The following ADGRV1 variants were observed in gnomAD, a reference collection of about 807,000 sequenced individuals.
ADGRV1 encodes adhesion G protein-coupled receptor V1, also known as G-protein coupled receptor 98.
In ADGRV1, 359 loss-of-function variants were observed where a neutral mutation model predicts 596.2. The observed-to-expected ratio is 0.60, with a 90% confidence interval of 0.55 to 0.66. The LOEUF is 0.66. Among genes scored for constraint, ADGRV1 ranks in the 30% least tolerant of loss-of-function variants. ADGRV1 has a pLI of 0.00. For missense variants in ADGRV1, 7,274 were observed against 7,575.6 expected, an observed-to-expected ratio of 0.96 and a Z score of 1.48; for synonymous variants, 2,681 against 2,679.2, an observed-to-expected ratio of 1.00 and a Z score of -0.02.
intron 52 of ADGRV1, among the ~76,000 whole-genome samples, chr5:90,747,517 C>T (rs867649700): frequency 3.9e-4 from 59 of 152,000 alleles, no homozygotes; most frequent in Admixed American, 7.2e-4. Context: ...TTCTAAGATT[C>T]CCCCTCCCAC....
At chr5:90,720,277 T>A in intron 44 of ADGRV1, 54 bp downstream of exon 44, 2 of 1,112,376 alleles carry the variant, frequency 1.8e-6, no homozygotes, top group Non-Finnish European at 2.5e-6. Flanking sequence ...GTAGGGAATA[T>A]TTTTTGACAT....
intron 83 of ADGRV1, among the ~76,000 whole-genome samples, chr5:90,909,926 A>G (rs1772700739): frequency 6.6e-6 from 1 of 152,264 alleles, no homozygotes; most frequent in Admixed American, 6.5e-5. Context: ...ACAAATGTTT[A>G]AATTGTGGAT....
Position 90,809,078 on chromosome 5 carries a change from C to G in ADGRV1, c.14973-1155C>G, listed in dbSNP as rs537386439. On this transcript the variant is annotated intron_variant, in intron 73 of 89. Transcript: ENST00000405460. Reference sequence around the variant, plus strand: ...TCTCCTGCCTCAGCCTCCCGAGTAGCTGGGAGTAGTTGGGACGACAGGCAC... The same window carrying G: ...TCTCCTGCCTCAGCCTCCCGAGTAGGTGGGAGTAGTTGGGACGACAGGCAC... Among the ~76,000 whole-genome samples, 648 of 151,678 alleles carry G rather than the reference C, an allele frequency of 4.3e-3. 2 individuals are homozygous for G. The highest frequency in any genetic ancestry group is 0.014 in the African/African-American group (597 of 41,404).
At chr5:90,896,348 G>C (rs1405571884) in intron 83 of ADGRV1, among the ~76,000 whole-genome samples, 2 of 123,444 alleles carry the variant, frequency 1.6e-5, no homozygotes, top group Non-Finnish European at 3.2e-5. Context: ...GCAGCTTACT[G>C]TGGCCTCAAC....
At chr5:90,587,455 A>T (rs1758904658) in intron 1 of ADGRV1, among the ~76,000 whole-genome samples, 1 of 152,164 alleles carries the variant, frequency 6.6e-6, no homozygotes, top group Non-Finnish European at 1.5e-5. Flanking sequence ...ACAAAGAAAA[A>T]AGTCATGACG....
intron 17 of ADGRV1, among the ~76,000 whole-genome samples, chr5:90,648,126 T>G (rs1249165934): frequency 6.6e-6 from 1 of 152,186 alleles, no homozygotes; most frequent in African/African-American, 2.4e-5. Flanking sequence ...TCCTGTAGCA[T>G]TTTCCTTGGA....
Position 90,637,701 on chromosome 5 carries a change from G to C in ADGRV1, c.2017-24G>C. ...CTGAACATATATTTTAGAAGAAATT[G>C]TTCTGTTCTTTTCTTTTTATAAGGT... On this transcript the variant is annotated intron_variant, in intron 10 of 89. Coordinates refer to ENST00000405460, the MANE Select transcript of ADGRV1 (RefSeq NM_032119.4). 5 of 1,491,410 alleles carry C rather than the reference G, an allele frequency of 3.4e-6. No individual in the cohort carries two copies. The South Asian group carries it at 6.3e-5, about 19-fold the overall frequency. 92.4% of individuals were successfully genotyped at this position (1,491,410 alleles called of 1,614,324 possible).
At chr5:90,769,804 C>T (rs776562168) in intron 59 of ADGRV1, among the ~76,000 whole-genome samples, 1 of 152,094 alleles carries the variant, frequency 6.6e-6, no homozygotes, top group African/African-American at 2.4e-5. Flanking sequence ...AATATGTGCT[C>T]CCTGCCTGAG....
intron 78 of ADGRV1, among the ~76,000 whole-genome samples, chr5:90,842,597 AG>A (rs2150364932): frequency 6.6e-6 from 1 of 152,214 alleles, no homozygotes; most frequent in East Asian, 1.9e-4. Context: ...ACATGCCTGT[AG>A]TCCCAGCTAT....
At chr5:90,770,594 G>T (rs778003619) in intron 59 of ADGRV1, among the ~76,000 whole-genome samples, 34 of 152,052 alleles carry the variant, frequency 2.2e-4, no homozygotes, top group Non-Finnish European at 4.9e-4. Context: ...TTTGAAGAAG[G>T]CACAACTCAT....
intron 85 of ADGRV1, among the ~76,000 whole-genome samples, chr5:91,065,836 T>A (rs1787836554): frequency 6.6e-6 from 1 of 152,182 alleles, no homozygotes. Flanking sequence ...TGAAACAGCA[T>A]CTACTTGTTT....
rs377206590 is a variant in ADGRV1, at chr5:90,840,563, T to G, written c.16612-15T>G. 2.0e-5 allele frequency: 31 copies of G among 1,565,488 alleles called. No individual in the cohort carries two copies. Among genetic ancestry groups the G allele is most frequent in the South Asian group, 9.6e-5 (8 of 83,312 alleles). The stretch of plus-strand genomic sequence containing the variant: ...GTGTCATAGATTCACTTAAATGGTG[T>G]TGTTTAATTTCTAGGAGTTGAGGAG... On this transcript the variant is annotated splice_polypyrimidine_tract_variant and intron_variant, in intron 77 of 89. Coordinates refer to ENST00000405460, the MANE Select transcript of ADGRV1 (RefSeq NM_032119.4).
At chr5:90,934,014 T>G (rs1018597316) in intron 83 of ADGRV1, among the ~76,000 whole-genome samples, 3 of 152,182 alleles carry the variant, frequency 2.0e-5, no homozygotes, top group African/African-American at 7.2e-5. Flanking sequence ...GACTGTAGCC[T>G]TTCTACTCCA....
intron 32 of ADGRV1, among the ~76,000 whole-genome samples, chr5:90,693,137 G>GTTTTTTTTTT (rs138813234): frequency 3.0e-5 from 4 of 131,774 alleles, no homozygotes; most frequent in African/African-American, 1.2e-4. Context: ...TTCCAGGTCT[G>GTTTTTTTTTT]TTTTTTTTTT....
intron 86 of ADGRV1, 145 bp from the exon 87 acceptor site, chr5:91,102,074 C>T (rs979976787): frequency 1.1e-4 from 79 of 709,268 alleles, no homozygotes; most frequent in Middle Eastern, 7.8e-4. Flanking sequence ...TGTGCCTTCT[C>T]CCCTCTGGCA....
chr5:90,839,998 T>C (rs996278356), intron 77 of ADGRV1, among the ~76,000 whole-genome samples: 4 of 152,230 alleles, frequency 2.6e-5, no homozygotes, highest in African/African-American at 9.6e-5. Flanking sequence ...ACTAAAGTGT[T>C]CATGCTTCAC....
chr5:90,652,909 A>T (rs1383515912), intron 19 of ADGRV1, among the ~76,000 whole-genome samples: 1 of 152,226 alleles, frequency 6.6e-6, no homozygotes, highest in Non-Finnish European at 1.5e-5. Flanking sequence ...TCTTTGTGTC[A>T]TAATTTAAGC....
At chr5:90,983,518 T>C (rs1024905238) in intron 84 of ADGRV1, among the ~76,000 whole-genome samples, 8 of 152,208 alleles carry the variant, frequency 5.3e-5, no homozygotes, top group African/African-American at 1.9e-4. Flanking sequence ...AAATAATTAG[T>C]ACTTTTGTTT....
chr5:90,863,701 G>T, intron 82 of ADGRV1, 56 bp from the exon 83 acceptor site: 1 of 1,262,802 alleles, frequency 7.9e-7, no homozygotes, highest in South Asian at 1.2e-5. Flanking sequence ...TTGCTATGAT[G>T]CTGTTAGAAT....
Sources: gnomAD v4.1 joint callset for allele counts (sites outside exome capture counted in the v4.1 genomes callset) on GRCh38, gnomAD v4.1.1 for gene constraint, MANE v1.5 for transcripts, NCBI Gene and HGNC (gene_info 2026-07-23, HGNC 2026-07-21) for gene names.